The following SMCO3 variants were observed in gnomAD, a reference collection of about 807,000 sequenced individuals.
SMCO3 encodes the protein single-pass membrane and coiled-coil domain-containing protein 3.
SMCO3 carries 6 observed loss-of-function variants against 12.0 expected under a neutral mutation model. That is an observed-to-expected ratio of 0.50 (90% CI 0.27 to 0.99). SMCO3 has a LOEUF of 0.99. SMCO3 is among the 50% of genes least tolerant of loss of function. The pLI is 0.11. For synonymous variants in SMCO3, 96 were observed against 96.4 expected, an observed-to-expected ratio of 1.00 and a Z score of 0.02; for missense variants, 279 against 265.0, an observed-to-expected ratio of 1.05 and a Z score of -0.37.
At position 14,806,086 on chromosome 12, in the gene SMCO3, G is replaced by C. The variant is rs376938990; in HGVS notation, c.595C>G (p.Leu199Val). The part of the protein sequence containing the change: ...QAAIKSYEKH[L>V]VEFKSASEKY... Reference sequence around the variant, plus strand: ...TCTGAGGCTGATTTGAACTCCACCAGATGCTTCTCATAACTTTTGATGGCT... The same window carrying C: ...TCTGAGGCTGATTTGAACTCCACCACATGCTTCTCATAACTTTTGATGGCT... The change falls in exon 2 of 2, where the codon CTG (leucine) becomes GTG (valine). Residue 199 changes from leucine (L) to valine (V), a missense_variant. Leu to Val is a conservative substitution (Grantham distance 32). Transcript: ENST00000316048. 5.0e-6 allele frequency: 8 copies of C among 1,614,060 alleles called. No individual in the cohort carries two copies. Among genetic ancestry groups the C allele is most frequent in the Non-Finnish European group, 6.8e-6 (8 of 1,180,046 alleles).
intron 1 of SMCO3, among the ~76,000 whole-genome samples, chr12:14,812,170 C>T (rs531219507): frequency 3.3e-5 from 5 of 152,302 alleles, no homozygotes; most frequent in East Asian, 1.9e-4. Context: ...TTTGGCCGGG[C>T]GTGGTGGCTC....
intron 1 of SMCO3, among the ~76,000 whole-genome samples, chr12:14,811,226 T>C (rs1468348567): frequency 6.6e-6 from 1 of 152,222 alleles, no homozygotes; most frequent in African/African-American, 2.4e-5. Context: ...TTGAATATTT[T>C]CTTGTAGTTA....
At chr12:14,812,544 C>G (rs575631655) in intron 1 of SMCO3, among the ~76,000 whole-genome samples, 1 of 152,250 alleles carries the variant, frequency 6.6e-6, no homozygotes, top group South Asian at 2.1e-4. Flanking sequence ...TTCTAATGAG[C>G]ATTTTGATAC....
At chr12:14,811,596 T>A (rs1050179727) in intron 1 of SMCO3, among the ~76,000 whole-genome samples, 1 of 152,186 alleles carries the variant, frequency 6.6e-6, no homozygotes, top group African/African-American at 2.4e-5. Context: ...TTTTTTTGAA[T>A]TGAGAAGTCA....
chr12:14,807,888 G>C (rs992388193), intron 1 of SMCO3, among the ~76,000 whole-genome samples: 1 of 152,186 alleles, frequency 6.6e-6, no homozygotes, highest in Non-Finnish European at 1.5e-5. Flanking sequence ...ATAAGGGGCC[G>C]GGCATGGTGG....
intron 1 of SMCO3, among the ~76,000 whole-genome samples, chr12:14,810,812 T>C (rs1950124700): frequency 6.6e-6 from 1 of 152,190 alleles, no homozygotes; most frequent in Non-Finnish European, 1.5e-5. Flanking sequence ...GTATTTTCGC[T>C]ATTGCCCTTA....
In SMCO3 at chr12:14,805,049, G is replaced by C. The variant is rs1950027115; in HGVS notation, c.*954C>G. On this transcript the variant is annotated 3_prime_UTR_variant, in exon 2 of 2. Coordinates refer to ENST00000316048, the MANE Select transcript of SMCO3 (RefSeq NM_001013698.2). The stretch of plus-strand genomic sequence containing the variant: ...TTAATAGGCTTCCATAGCCTTTGGC[G>C]TTTTCTAAAATCAGGTAATTAGTGA... The C allele has an allele frequency of 1.3e-5, 2 of 152,178 alleles. No homozygotes were observed. Among genetic ancestry groups the C allele is most frequent in the Non-Finnish European group, 1.5e-5 (1 of 68,014 alleles). The allele number at this position is 152,178 out of a possible 1,614,324, so 9.4% of individuals were successfully genotyped here.
In SMCO3 at chr12:14,805,918, A is replaced by G. The variant is rs75082633; in HGVS notation, c.*85T>C. On this transcript the variant is annotated 3_prime_UTR_variant, in exon 2 of 2. Transcript: ENST00000316048. ...TTATTTAAGTCCATATTGGAAGCCT[A>G]TAGAAAATGAACCTAATCAAAGAAG... 2,548 of 1,330,434 alleles carry G rather than the reference A, an allele frequency of 1.9e-3. 45 individuals carry two copies. In the East Asian group the frequency reaches 0.03, roughly 16 times the overall value. 82.4% of individuals were successfully genotyped at this position (1,330,434 alleles called of 1,614,324 possible). A position where few individuals can be genotyped will look rare whatever the true frequency, so the allele number is the denominator to read the frequency against.
chr12:14,809,561 A>G (rs1479144479), intron 1 of SMCO3, among the ~76,000 whole-genome samples: 2 of 152,228 alleles, frequency 1.3e-5, no homozygotes, highest in Non-Finnish European at 2.9e-5. Context: ...TTATTACTCC[A>G]TAAATGGTCT....
chr12:14,812,193 C>T (rs944077445), intron 1 of SMCO3, among the ~76,000 whole-genome samples: 38 of 152,296 alleles, frequency 2.5e-4, no homozygotes, highest in African/African-American at 8.4e-4. Context: ...GCCTGTAATC[C>T]GAGCACTTTG....
chr12:14,813,105 T>A (rs1950165099), intron 1 of SMCO3, among the ~76,000 whole-genome samples: 1 of 152,220 alleles, frequency 6.6e-6, no homozygotes, highest in Non-Finnish European at 1.5e-5. Context: ...AAAGCTGAGT[T>A]ATGGGTACAT....
intron 1 of SMCO3, among the ~76,000 whole-genome samples, chr12:14,810,357 T>A (rs1950117491): frequency 6.6e-6 from 1 of 152,172 alleles, no homozygotes; most frequent in African/African-American, 2.4e-5. Flanking sequence ...TTGAATTGTG[T>A]TTTGGACAGG....
chr12:14,805,695 A>G lies in SMCO3; in HGVS notation c.*308T>C, dbSNP rs977323408. 8.2e-6 allele frequency: 2 copies of G among 243,762 alleles called. No individual in the cohort carries two copies. The highest frequency in any genetic ancestry group is 1.6e-5 in the Non-Finnish European group (2 of 128,718). 15.1% of individuals were successfully genotyped at this position (243,762 alleles called of 1,614,324 possible). A position where few individuals can be genotyped will look rare whatever the true frequency, so the allele number is the denominator to read the frequency against. ...ATTTTACTGAAATTAGAAAAGAGAA[A>G]AGTAACCCCTATACTTGCTACTCTA... On this transcript the variant is annotated 3_prime_UTR_variant, in exon 2 of 2. Coordinates refer to ENST00000316048, the MANE Select transcript of SMCO3 (RefSeq NM_001013698.2).
intron 1 of SMCO3, among the ~76,000 whole-genome samples, chr12:14,806,929 T>C (rs1950061396): frequency 6.6e-6 from 1 of 152,166 alleles, no homozygotes; most frequent in South Asian, 2.1e-4. Context: ...CCTCCCAGGC[T>C]CTAGCAATTC....
chr12:14,807,844 GA>G (rs891747731), intron 1 of SMCO3, among the ~76,000 whole-genome samples: 7 of 151,816 alleles, frequency 4.6e-5, no homozygotes, highest in African/African-American at 1.7e-4. Flanking sequence ...GTGAACGTCA[GA>G]AAAAAAATGC....
chr12:14,805,925 A>G lies in SMCO3; in HGVS notation c.*78T>C. 3 of 1,391,660 alleles carry G rather than the reference A, an allele frequency of 2.2e-6. No individual in the cohort carries two copies. In the Admixed American group the frequency reaches 6.7e-5, roughly 31 times the overall value. 86.2% of individuals were successfully genotyped at this position (1,391,660 alleles called of 1,614,324 possible). ...AGTCCATATTGGAAGCCTATAGAAA[A>G]TGAACCTAATCAAAGAAGCAAACAC... On this transcript the variant is annotated 3_prime_UTR_variant, in exon 2 of 2. Transcript: ENST00000316048.
intron 1 of SMCO3, among the ~76,000 whole-genome samples, chr12:14,813,544 C>T (rs1258424965): frequency 6.6e-6 from 1 of 152,216 alleles, no homozygotes; most frequent in Non-Finnish European, 1.5e-5. Flanking sequence ...CAGCATTTAT[C>T]AAGTGCTCAC....
Position 14,806,462 on chromosome 12 carries a change from A to G in SMCO3, c.219T>C (p.Ile73=). ...TCTGCAATTCCTTTTGGATTTTCAT[A>G]ATGGCTTGGATGATGAGGTCACAGT... ...KENCDLIIQA[I]MKIQKELQKV... Residue 73 remains isoleucine, a synonymous_variant, in exon 2 of 2, where the codon ATT becomes ATC. Transcript: ENST00000316048. 6.2e-7 allele frequency: 1 copy of G among 1,614,088 alleles called. No homozygotes were observed. The highest frequency in any genetic ancestry group is 1.1e-5 in the South Asian group (1 of 91,074).
At position 14,806,051 on chromosome 12, in the gene SMCO3, A is replaced by T; in HGVS notation, c.630T>A (p.Asn210Lys). The T allele has an allele frequency of 6.2e-7, 1 of 1,614,160 alleles. No individual in the cohort carries two copies. Among genetic ancestry groups the T allele is most frequent in the African/African-American group, 1.3e-5 (1 of 75,046 alleles). The stretch of plus-strand genomic sequence containing the variant: ...TATTGATGACCTCAGTAATGGCATG[A>T]TTATATTTTTCTGAGGCTGATTTGA... ...VEFKSASEKY[N>K]HAITEVINTV... is the part of the protein sequence containing the mutation. Residue 210 changes from asparagine (N) to lysine (K), a missense_variant, in exon 2 of 2, where the codon AAT becomes AAA. Physicochemically the swap from Asn to Lys is moderately conservative, Grantham distance 94. Transcript: ENST00000316048.
Sources: gnomAD v4.1 joint callset for allele counts (sites outside exome capture counted in the v4.1 genomes callset) on GRCh38, gnomAD v4.1.1 for gene constraint, MANE v1.5 for transcripts, NCBI Gene and HGNC (gene_info 2026-07-23, HGNC 2026-07-21) for gene names.